RAD51B: variants seen among roughly 807,000 people sequenced by gnomAD.
The protein encoded by RAD51B is RAD51 paralog B.
In RAD51B, 38 loss-of-function variants were observed where a neutral mutation model predicts 42.2. The ratio of observed to expected loss-of-function variants is 0.90; its 90% confidence interval spans 0.70 to 1.18. RAD51B has a LOEUF of 1.18. Ranked by LOEUF, RAD51B falls within the 50% of genes most tolerant of loss-of-function variation. The pLI is 0.00. For missense variants in RAD51B, 373 were observed against 400.7 expected (o/e 0.93, Z 0.59); for synonymous variants, 154 against 145.2 (o/e 1.06, Z -0.43).
At chr14:67,945,058 G>C (rs1238395800) in intron 7 of RAD51B, among the ~76,000 whole-genome samples, 1 of 152,142 alleles carries the variant, frequency 6.6e-6, no homozygotes, top group Non-Finnish European at 1.5e-5. Flanking sequence ...CAAGGGAAAG[G>C]CAAGACCTCC....
chr14:68,550,415 T>A (rs1035554643), intron 10 of RAD51B, among the ~76,000 whole-genome samples: 5 of 152,214 alleles, frequency 3.3e-5, no homozygotes, highest in Non-Finnish European at 5.9e-5. Flanking sequence ...CCGGTTATGG[T>A]CTGAAGAACC....
intron 7 of RAD51B, among the ~76,000 whole-genome samples, chr14:68,064,083 T>C (rs2076611815): frequency 6.6e-6 from 1 of 152,232 alleles, no homozygotes; most frequent in African/African-American, 2.4e-5. Flanking sequence ...ATGGTAGTTA[T>C]CATTCTTTTG....
At chr14:68,540,363 AG>A in intron 10 of RAD51B, 1 of 1,051,222 alleles carries the variant, frequency 9.5e-7, no homozygotes, top group Non-Finnish European at 1.1e-6. Flanking sequence ...AATTGAGATA[AG>A]GTCCACTTAC....
chr14:67,985,000 A>G (rs926617705), intron 7 of RAD51B, among the ~76,000 whole-genome samples: 1 of 152,192 alleles, frequency 6.6e-6, no homozygotes, highest in African/African-American at 2.4e-5. Flanking sequence ...CCACCGATCT[A>G]ATTGTCAGGT....
rs980083837 is a variant in RAD51B, at chr14:68,565,055, G to A, written c.1037-29430G>A. The stretch of plus-strand genomic sequence containing the variant: ...TGTTTTCAAACATTCTACATCCAGC[G>A]CATAAAAACACAATAGTGACAGGAA... On this transcript the variant is annotated intron_variant, in intron 10 of 10. Transcript: ENST00000487270. This position sits in a 1 kb window ranked among gnomAD's most constrained non-coding sequence, Gnocchi z 4.1. 1.3e-5 allele frequency among the ~76,000 whole-genome samples: 2 copies of A among 152,120 alleles called. No homozygotes were observed. The highest frequency in any genetic ancestry group is 2.9e-5 in the Non-Finnish European group (2 of 68,032).
chr14:68,356,159 G>A (rs1250054995), intron 8 of RAD51B, among the ~76,000 whole-genome samples: 3 of 152,184 alleles, frequency 2.0e-5, no homozygotes, highest in East Asian at 1.9e-4. Flanking sequence ...TTGGCCGGGC[G>A]CGGTGGCTCA....
intron 7 of RAD51B, among the ~76,000 whole-genome samples, chr14:67,924,626 G>C (rs1196306886): frequency 2.6e-5 from 4 of 152,144 alleles, no homozygotes; most frequent in African/African-American, 9.7e-5. Flanking sequence ...ATCAGATCTC[G>C]TGAGACTCAT....
chr14:68,493,571 AT>A (rs1324403076), intron 10 of RAD51B, among the ~76,000 whole-genome samples: 1 of 152,178 alleles, frequency 6.6e-6, no homozygotes, highest in Non-Finnish European at 1.5e-5. Context: ...ATTAGCTCGG[AT>A]TTTATTTTTT....
chr14:68,274,438 C>T (rs2081181699), intron 7 of RAD51B, among the ~76,000 whole-genome samples: 1 of 152,096 alleles, frequency 6.6e-6, no homozygotes, highest in Admixed American at 6.5e-5. Context: ...AACCATAATG[C>T]CTTGCCTTTA....
At chr14:68,022,549 T>A (rs2075883942) in intron 7 of RAD51B, among the ~76,000 whole-genome samples, 1 of 152,306 alleles carries the variant, frequency 6.6e-6, no homozygotes, top group East Asian at 1.9e-4. Context: ...TTCTGACTGG[T>A]GTGAGATGGT....
chr14:68,428,084 G>A (rs1438998120), intron 9 of RAD51B, among the ~76,000 whole-genome samples: 1 of 152,062 alleles, frequency 6.6e-6, no homozygotes, highest in Non-Finnish European at 1.5e-5. Flanking sequence ...CAGCAAAAAG[G>A]CCATGGCAAG....
chr14:68,261,050 A>C (rs117785068), intron 7 of RAD51B, among the ~76,000 whole-genome samples: 1 of 152,356 alleles, frequency 6.6e-6, no homozygotes, highest in East Asian at 1.9e-4. Flanking sequence ...TCATAGAATC[A>C]ATTTTTTCTT....
chr14:67,959,982 G>A (rs1410183977), intron 7 of RAD51B, among the ~76,000 whole-genome samples: 1 of 152,108 alleles, frequency 6.6e-6, no homozygotes, highest in African/African-American at 2.4e-5. Context: ...CTGCTTGGGA[G>A]GCTGAGGCAG....
At chr14:67,857,920 G>C (rs971755231) in intron 4 of RAD51B, 1 of 152,616 alleles carries the variant, frequency 6.6e-6, no homozygotes, top group East Asian at 1.9e-4. Flanking sequence ...GGCCAGCACA[G>C]CTCGGAGTGC....
downstream of RAD51B, among the ~76,000 whole-genome samples, chr14:68,613,494 C>T (rs1374570427): frequency 6.7e-6 from 1 of 149,280 alleles, no homozygotes; most frequent in African/African-American, 2.5e-5. Flanking sequence ...CACTCTGTCA[C>T]CCAGGCTGGA....
At chr14:67,974,737 A>G (rs2074958496) in intron 7 of RAD51B, among the ~76,000 whole-genome samples, 1 of 152,162 alleles carries the variant, frequency 6.6e-6, no homozygotes, top group Admixed American at 6.5e-5. Context: ...GGTGTTTATC[A>G]GTTGTGTACA....
intron 11 of RAD51B, among the ~76,000 whole-genome samples, chr14:68,672,081 G>C (rs1166980339): frequency 6.6e-6 from 1 of 152,168 alleles, no homozygotes; most frequent in Non-Finnish European, 1.5e-5. Context: ...GATGATAATG[G>C]TATTTATAGA....
intron 7 of RAD51B, among the ~76,000 whole-genome samples, chr14:67,949,260 AT>A (rs1471691608): frequency 1.3e-5 from 2 of 152,238 alleles, no homozygotes; most frequent in Non-Finnish European, 2.9e-5. Context: ...TTCTTTTAAT[AT>A]TGGGATCAGT....
At chr14:68,415,027 G>T (rs2140092371) in intron 9 of RAD51B, among the ~76,000 whole-genome samples, 1 of 63,646 alleles carries the variant, frequency 1.6e-5, no homozygotes, top group Admixed American at 2.7e-4. Context: ...GCAAGACTCT[G>T]TCTCAAAAAA....
Sources: allele counts gnomAD v4.1 joint callset (sites outside exome capture counted in the v4.1 genomes callset), GRCh38; gene constraint gnomAD v4.1.1; non-coding constraint Gnocchi (gnomAD v3.1); transcripts MANE v1.5; gene names NCBI Gene and HGNC (gene_info 2026-07-23, HGNC 2026-07-21).